Variants in SHTN1 observed in about 807,000 individuals in gnomAD.
The protein encoded by SHTN1 is shootin 1.
In SHTN1, 42 loss-of-function variants were observed where a neutral mutation model predicts 83.1. The ratio of observed to expected loss-of-function variants is 0.51; its 90% CI spans 0.39 to 0.65. The LOEUF (loss-of-function observed/expected upper bound fraction) is 0.65. SHTN1 is among the 30% of genes least tolerant of loss of function. SHTN1 has a pLI of 0.00. For synonymous variants in SHTN1, 224 were observed against 247.7 expected (o/e 0.90, Z 0.90); for missense variants, 622 against 737.8 (o/e 0.84, Z 1.82).
chr10:116,949,237 C>T (rs1446184494), intron 6 of SHTN1, among the ~76,000 whole-genome samples: 1 of 152,106 alleles, frequency 6.6e-6, no homozygotes, highest in East Asian at 1.9e-4. Context: ...TTGGCACTGG[C>T]ACCTAAACAT....
At chr10:117,119,787 G>A (rs920259353) in intron 1 of SHTN1, among the ~76,000 whole-genome samples, 2 of 151,582 alleles carry the variant, frequency 1.3e-5, no homozygotes, top group African/African-American at 4.9e-5. Context: ...AGCGTCTATC[G>A]ACAGATGAAT....
chr10:117,046,631 T>C lies in SHTN1; in HGVS notation c.-123+1814A>G, dbSNP rs371641793. Among the ~76,000 whole-genome samples, 7 of 152,300 alleles carry C rather than the reference T, an allele frequency of 4.6e-5. No homozygotes were observed. In the East Asian group the frequency reaches 7.7e-4, roughly 17 times the overall value. The stretch of plus-strand genomic sequence containing the variant: ...TAAAAACAACCCAAATATCCATCAA[T>C]TGGTAAATGGATAAACAAAATATGA... On this transcript the variant is annotated intron_variant, in intron 2 of 17. Transcript: ENST00000392901.
chr10:116,901,292 T>G (rs192248751), intron 16 of SHTN1: 53 of 985,168 alleles, frequency 5.4e-5, no homozygotes, highest in Non-Finnish European at 6.3e-5. Context: ...ACTCTTTACA[T>G]AGTATGTTTT....
At chr10:116,913,860 C>T (rs1159227623) in intron 13 of SHTN1, among the ~76,000 whole-genome samples, 2 of 152,124 alleles carry the variant, frequency 1.3e-5, no homozygotes, top group South Asian at 2.1e-4. Flanking sequence ...AGTGCCAGGG[C>T]CCAACTCCAA....
At chr10:117,120,517 G>T (rs1349417795) in intron 1 of SHTN1, among the ~76,000 whole-genome samples, 3 of 151,942 alleles carry the variant, frequency 2.0e-5, no homozygotes, top group African/African-American at 7.2e-5. Flanking sequence ...CAAAGTGCTG[G>T]GATTACAGGC....
intron 1 of SHTN1, among the ~76,000 whole-genome samples, chr10:116,998,656 G>A (rs746472950): frequency 6.6e-6 from 1 of 152,116 alleles, no homozygotes; most frequent in Non-Finnish European, 1.5e-5. Context: ...GGTAAGCAGG[G>A]ACTACAGTAT....
At position 116,886,097 on chromosome 10, in the gene SHTN1, A is replaced by G. The variant is rs41284382; in HGVS notation, c.*247T>C. ...CCTTCTAAAAGAAGTCATACTTAAT[A>G]CAGTAACTAGGAAAAAAACCTCATC... On this transcript the variant is annotated 3_prime_UTR_variant, in exon 17 of 17. Coordinates refer to ENST00000355371, the MANE Select transcript of SHTN1 (RefSeq NM_001127211.3). The G allele has an allele frequency of 5.1e-3, 2,729 of 530,182 alleles. 14 individuals carry two copies. The highest frequency in any genetic ancestry group is 6.6e-3 in the Non-Finnish European group (1,996 of 304,616). 32.8% of individuals were successfully genotyped at this position (530,182 alleles called of 1,614,324 possible).
chr10:117,123,309 TCATTTTC>T (rs1853957836), intron 1 of SHTN1, among the ~76,000 whole-genome samples: 1 of 152,164 alleles, frequency 6.6e-6, no homozygotes, highest in Admixed American at 6.5e-5. Flanking sequence ...TTTCCACTCT[TCATTTTC>T]CCGTTCTCTA....
intron 11 of SHTN1, among the ~76,000 whole-genome samples, chr10:116,923,409 A>G (rs1848632036): frequency 6.6e-6 from 1 of 152,212 alleles, no homozygotes; most frequent in Non-Finnish European, 1.5e-5. Flanking sequence ...GGTGAACTGT[A>G]TTTGCAAAAC....
chr10:116,943,700 C>A (rs1419647719), intron 8 of SHTN1, among the ~76,000 whole-genome samples: 3 of 152,150 alleles, frequency 2.0e-5, no homozygotes, highest in Non-Finnish European at 2.9e-5. Context: ...ACAGAAAGAC[C>A]CCCACAAAAC....
At chr10:117,056,517 T>C (rs1436566702) in intron 1 of SHTN1, among the ~76,000 whole-genome samples, 1 of 152,164 alleles carries the variant, frequency 6.6e-6, no homozygotes, top group African/African-American at 2.4e-5. Context: ...TCATCCATGA[T>C]AAGAACTCTT....
chr10:116,970,994 G>A (rs1850597211), intron 2 of SHTN1, among the ~76,000 whole-genome samples: 1 of 152,098 alleles, frequency 6.6e-6, no homozygotes, highest in African/African-American at 2.4e-5. Context: ...ACAGTTCTGT[G>A]CAATGGGTAT....
In SHTN1 at chr10:117,103,623, T is replaced by C. The variant is rs542189756; in HGVS notation, c.-189+22684A>G. On this transcript the variant is annotated intron_variant, in intron 1 of 17. Coordinates refer to the SHTN1 transcript ENST00000392901. ...CACAATCTCAGCTCACTGCAAGTTC[T>C]GCCTCCCAGGTTCACGCCATTCTCC... is the stretch of plus-strand genomic sequence containing the variant. Among the ~76,000 whole-genome samples, 125 of 136,676 alleles carry C rather than the reference T, an allele frequency of 9.1e-4. 1 individual carries two copies. Among genetic ancestry groups the C allele is most frequent in the African/African-American group, 3.2e-3 (118 of 37,200 alleles). 89.7% of individuals were successfully genotyped at this position (136,676 alleles called of 152,430 possible).
Position 116,944,354 on chromosome 10 carries a change from T to C in SHTN1, c.711+570A>G, listed in dbSNP as rs191352094. On this transcript the variant is annotated intron_variant, in intron 8 of 16. Coordinates refer to ENST00000355371, the MANE Select transcript of SHTN1 (RefSeq NM_001127211.3). ...AATCCACTTGGTCAGGTCTGTATTA[T>C]TGTCCATTTTACAGATGGTAAAAGT... is the stretch of plus-strand genomic sequence containing the variant. Among the ~76,000 whole-genome samples the C allele has an allele frequency of 9.8e-5, 15 of 152,320 alleles. No individual in the cohort carries two copies. The East Asian group carries it at 2.1e-3, about 22-fold the overall frequency.
At chr10:116,908,382 G>C (rs1333590787) in intron 14 of SHTN1, among the ~76,000 whole-genome samples, 1 of 151,990 alleles carries the variant, frequency 6.6e-6, no homozygotes, top group African/African-American at 2.4e-5. Context: ...TAACATTGCT[G>C]ATATGCTTCT....
intron 2 of SHTN1, among the ~76,000 whole-genome samples, chr10:117,027,212 G>T (rs1038527342): frequency 1.3e-5 from 2 of 152,166 alleles, no homozygotes; most frequent in Non-Finnish European, 2.9e-5. Context: ...CTGGTTGGAG[G>T]TGACTGGCTC....
At chr10:116,907,953 T>C in intron 14 of SHTN1, 1 of 513,390 alleles carries the variant, frequency 1.9e-6, no homozygotes, top group South Asian at 1.4e-5. Context: ...TGGCTAAAAA[T>C]GGTTGTTTTA....
intron 1 of SHTN1, among the ~76,000 whole-genome samples, chr10:117,086,178 A>G (rs887109014): frequency 9.9e-5 from 15 of 152,144 alleles, no homozygotes; most frequent in Non-Finnish European, 2.2e-4. Flanking sequence ...TTGGCCTCCC[A>G]AAGTGCTGGG....
intron 15 of SHTN1, among the ~76,000 whole-genome samples, chr10:116,904,578 C>A (rs946644463): frequency 6.6e-5 from 10 of 152,056 alleles, no homozygotes; most frequent in Admixed American, 3.3e-4. Flanking sequence ...AACGATTCTA[C>A]TGAAAATGTA....
Sources: allele counts gnomAD v4.1 joint callset (sites outside exome capture counted in the v4.1 genomes callset), GRCh38; gene constraint gnomAD v4.1.1; transcripts MANE v1.5; gene names NCBI Gene and HGNC (gene_info 2026-07-23, HGNC 2026-07-21).